CEP192: variants seen among roughly 807,000 people sequenced by gnomAD.
CEP192 encodes the protein centrosomal protein of 192 kDa.
In CEP192, 151 loss-of-function variants were observed where a neutral mutation model predicts 271.8. The ratio of observed to expected loss-of-function variants is 0.56; its 90% CI spans 0.49 to 0.64. CEP192 has a LOEUF of 0.64. Among genes scored for constraint, CEP192 ranks in the 30% least tolerant of loss-of-function variants. CEP192 has a pLI of 0.00. For missense variants in CEP192, 2,910 were observed against 3,020.5 expected (o/e 0.96, Z 0.86); for synonymous variants, 995 against 1,076.5 (o/e 0.92, Z 1.48).
At chr18:13,004,915 A>T (rs2033885379) in intron 3 of CEP192, among the ~76,000 whole-genome samples, 1 of 152,098 alleles carries the variant, frequency 6.6e-6, no homozygotes, top group Non-Finnish European at 1.5e-5. Context: ...TGGCCATGTA[A>T]GATTGGCTTT....
At chr18:12,998,302 A>C (rs899553675) in intron 1 of CEP192, among the ~76,000 whole-genome samples, 6 of 152,168 alleles carry the variant, frequency 3.9e-5, no homozygotes, top group African/African-American at 1.4e-4. Flanking sequence ...CCATTCTGTT[A>C]TTCTAGCTTC....
chr18:13,092,683 C>T (rs549192615), intron 34 of CEP192, among the ~76,000 whole-genome samples, 156 bp downstream of exon 34: 2 of 152,256 alleles, frequency 1.3e-5, no homozygotes, highest in African/African-American at 4.8e-5. Flanking sequence ...TAATTTCAAA[C>T]TTTCAGGAAA....
intron 6 of CEP192, 28 bp from the exon 7 acceptor site, chr18:13,017,160 T>A: frequency 6.6e-7 from 1 of 1,519,540 alleles, no homozygotes; most frequent in Non-Finnish European, 8.9e-7. Flanking sequence ...TTAAAGCATG[T>A]CCTGTTTTTT....
At chr18:13,043,975 C>T (rs752708823) in intron 15 of CEP192, among the ~76,000 whole-genome samples, 15 of 152,064 alleles carry the variant, frequency 9.9e-5, no homozygotes, top group Admixed American at 4.6e-4. Context: ...GTATCCATCC[C>T]CTCAAGCATT....
chr18:13,057,724 T>A lies in CEP192; in HGVS notation c.4248T>A (p.Asn1416Lys). Residue 1416 changes from asparagine (N) to lysine (K), a missense_variant, in exon 20 of 45, where the codon AAT becomes AAA. Transcript: ENST00000506447. ...VSIGVLSISV[N>K]GEKVDLSTYR... ...TTGGGGTCCTCAGCATTAGTGTTAA[T>A]GGTGAAAAGGTAGCTTTCTATGTCT... The A allele has an allele frequency of 1.2e-6, 2 of 1,613,454 alleles. No homozygotes were observed. Among genetic ancestry groups the A allele is most frequent in the Non-Finnish European group, 1.7e-6 (2 of 1,179,642 alleles).
chr18:13,078,197 G>A (rs2056297887), intron 30 of CEP192, among the ~76,000 whole-genome samples: 1 of 152,076 alleles, frequency 6.6e-6, no homozygotes, highest in South Asian at 2.1e-4. Context: ...CTGGTTTTCT[G>A]TTCCTGTGTT....
chr18:13,093,440 A>C (rs1568406121), intron 34 of CEP192, among the ~76,000 whole-genome samples: 1 of 152,194 alleles, frequency 6.6e-6, no homozygotes, highest in Non-Finnish European at 1.5e-5. Context: ...AGAGTTCCTT[A>C]GCCTTTCCTT....
At chr18:13,027,654 T>C (rs2035379189) in intron 9 of CEP192, among the ~76,000 whole-genome samples, 2 of 152,178 alleles carry the variant, frequency 1.3e-5, no homozygotes, top group Non-Finnish European at 2.9e-5. Context: ...TTTTTACTTG[T>C]TGTCGGGATG....
chr18:13,012,055 A>T (rs947739599), intron 4 of CEP192, among the ~76,000 whole-genome samples: 4 of 152,236 alleles, frequency 2.6e-5, no homozygotes, highest in Non-Finnish European at 5.9e-5. Context: ...ACAGAAGGCC[A>T]CAAAATGTAT....
At chr18:13,112,400 A>C (rs1294295023) in intron 40 of CEP192, among the ~76,000 whole-genome samples, 1 of 152,230 alleles carries the variant, frequency 6.6e-6, no homozygotes, top group Non-Finnish European at 1.5e-5. Flanking sequence ...GATTCTATCT[A>C]TGTGAAATGT....
intron 43 of CEP192, among the ~76,000 whole-genome samples, chr18:13,117,282 A>G (rs114729953): frequency 2.0e-5 from 3 of 152,336 alleles, no homozygotes; most frequent in African/African-American, 7.2e-5. Context: ...GGAAGTTTAT[A>G]ACCCTTTACT....
chr18:13,074,784 G>C (rs2038185377), intron 30 of CEP192, among the ~76,000 whole-genome samples: 1 of 152,212 alleles, frequency 6.6e-6, no homozygotes, highest in Non-Finnish European at 1.5e-5. Flanking sequence ...AGCCTGCAGA[G>C]TGGCGGAAGA....
At chr18:13,091,118 G>C (rs532858759) in intron 33 of CEP192, among the ~76,000 whole-genome samples, 4 of 152,320 alleles carry the variant, frequency 2.6e-5, no homozygotes, top group Admixed American at 2.6e-4. Flanking sequence ...ATCTGGGAGG[G>C]CACCTCACTT....
chr18:13,005,244 G>T (rs1338554522), intron 3 of CEP192, among the ~76,000 whole-genome samples: 1 of 152,182 alleles, frequency 6.6e-6, no homozygotes, highest in Non-Finnish European at 1.5e-5. Context: ...GTAGTAAGGT[G>T]AAAGGAATGT....
intron 43 of CEP192, among the ~76,000 whole-genome samples, chr18:13,117,021 A>G (rs1255008062): frequency 6.6e-6 from 1 of 151,874 alleles, no homozygotes. Flanking sequence ...CAGGAGTTTG[A>G]GACCAACCTG....
chr18:13,053,561 A>C lies in CEP192; in HGVS notation c.3189+471A>C, dbSNP rs564822398. Among the ~76,000 whole-genome samples, 6 of 152,320 alleles carry C rather than the reference A, an allele frequency of 3.9e-5. No individual in the cohort carries two copies. In the South Asian group the frequency reaches 6.2e-4, roughly 16 times the overall value. On this transcript the variant is annotated intron_variant, in intron 18 of 44. Coordinates refer to ENST00000506447, the MANE Select transcript of CEP192 (RefSeq NM_032142.4). The stretch of plus-strand genomic sequence containing the variant: ...CAGGAAGTTTAGAACGGCCACAGTG[A>C]ATCATGTCAATAGGGAGAAGTGTAT...
At chr18:13,095,253 CG>C (rs1441109965) in intron 34 of CEP192, among the ~76,000 whole-genome samples, 18 of 152,266 alleles carry the variant, frequency 1.2e-4, no homozygotes, top group African/African-American at 4.1e-4. Flanking sequence ...CCTCCCGCCT[CG>C]GCCTCCCAAA....
intron 8 of CEP192, 72 bp downstream of exon 8, chr18:13,018,687 T>C: frequency 9.3e-7 from 1 of 1,073,862 alleles, no homozygotes; most frequent in Non-Finnish European, 1.3e-6. Flanking sequence ...AAAAAAAATA[T>C]TTCTCTGGTA....
At chr18:13,122,317 G>C (rs1482601040) in intron 44 of CEP192, among the ~76,000 whole-genome samples, 1 of 152,244 alleles carries the variant, frequency 6.6e-6, no homozygotes, top group African/African-American at 2.4e-5. Flanking sequence ...AGCTACTCAG[G>C]AGGCTGAGGC....
Sources: allele counts gnomAD v4.1 joint callset (sites outside exome capture counted in the v4.1 genomes callset), GRCh38; gene constraint gnomAD v4.1.1; transcripts MANE v1.5; gene names NCBI Gene and HGNC (gene_info 2026-07-23, HGNC 2026-07-21).